The following TMCC1 variants were observed in gnomAD, a reference collection of about 807,000 sequenced individuals.
TMCC1 encodes the protein transmembrane and coiled-coil domain family 1.
In TMCC1, 15 loss-of-function variants were observed where a neutral mutation model predicts 52.4. The ratio of observed to expected loss-of-function variants is 0.29; its 90% CI spans 0.19 to 0.44. The LOEUF is 0.44. Ranked by LOEUF, TMCC1 falls within the 20% of genes least tolerant of loss-of-function variation. TMCC1 has a pLI of 1.00. For missense variants in TMCC1, 503 were observed against 806.0 expected, an observed-to-expected ratio of 0.62 and a Z score of 4.55; for synonymous variants, 279 against 301.9, an observed-to-expected ratio of 0.92 and a Z score of 0.79.
At chr3:129,745,913 TAAA>T (rs772638388) in intron 4 of TMCC1, among the ~76,000 whole-genome samples, 1 of 136,118 alleles carries the variant, frequency 7.3e-6, no homozygotes. Context: ...AGACTCTCCC[TAAA>T]AAAAAAAAAG....
intron 4 of TMCC1, among the ~76,000 whole-genome samples, chr3:129,721,049 A>G (rs2049541900): frequency 6.6e-6 from 1 of 152,112 alleles, no homozygotes. Flanking sequence ...GATACACTGT[A>G]TTAAATCTCT....
In TMCC1 at chr3:129,833,914, C is replaced by T. The variant is rs537743276; in HGVS notation, c.-183-1088G>A. On this transcript the variant is annotated intron_variant, in intron 2 of 6. Transcript: ENST00000393238. ...TTACCAGAGAAGCAATTTAATTAGA[C>T]AAGTATTTTTGAGACATCTGCCATG... Among the ~76,000 whole-genome samples the T allele has an allele frequency of 1.3e-4, 20 of 152,222 alleles. 1 individual carries two copies. The highest frequency in any genetic ancestry group is 9.2e-4 in the Admixed American group (14 of 15,282).
intron 1 of TMCC1, among the ~76,000 whole-genome samples, chr3:129,890,811 T>G (rs1369727059): frequency 1.3e-5 from 2 of 152,212 alleles, no homozygotes; most frequent in South Asian, 2.1e-4. Flanking sequence ...TTTATGGAAT[T>G]TTCCAGAAGA....
intron 4 of TMCC1, among the ~76,000 whole-genome samples, chr3:129,803,150 C>G (rs533484678): frequency 1.3e-5 from 2 of 152,198 alleles, no homozygotes; most frequent in African/African-American, 2.4e-5. Flanking sequence ...AAGGTCCTAC[C>G]TCTCAACACA....
chr3:129,682,699 T>C (rs147944181), intron 4 of TMCC1, among the ~76,000 whole-genome samples: 28 of 152,328 alleles, frequency 1.8e-4, no homozygotes, highest in African/African-American at 6.5e-4. Context: ...CAAATCAAAA[T>C]CTGTCTCAAA....
At chr3:129,779,517 C>T (rs1161640249) in intron 4 of TMCC1, among the ~76,000 whole-genome samples, 2 of 151,998 alleles carry the variant, frequency 1.3e-5, no homozygotes, top group African/African-American at 4.8e-5. Context: ...GGTAGTTAGT[C>T]CTTTGATATT....
intron 4 of TMCC1, among the ~76,000 whole-genome samples, chr3:129,771,797 A>AAAAAAGAAG (rs60824072): frequency 3.5e-5 from 3 of 86,834 alleles, no homozygotes; most frequent in African/African-American, 6.4e-5. Flanking sequence ...AAAAAAAAAA[A>AAAAAAGAAG]AAGAAGAAGA....
At chr3:129,815,684 T>A (rs188345133) in intron 4 of TMCC1, among the ~76,000 whole-genome samples, 23 of 152,280 alleles carry the variant, frequency 1.5e-4, no homozygotes, top group Non-Finnish European at 3.1e-4. Flanking sequence ...GACATTGGTC[T>A]GGACAAGGAT....
chr3:129,830,388 T>TA (rs986631825), intron 3 of TMCC1, among the ~76,000 whole-genome samples: 5 of 152,028 alleles, frequency 3.3e-5, no homozygotes, highest in Admixed American at 6.5e-5. Flanking sequence ...CTCTGATTTT[T>TA]AAAAAAAATA....
intron 4 of TMCC1, among the ~76,000 whole-genome samples, chr3:129,701,672 T>G (rs1200002662): frequency 6.6e-6 from 1 of 152,232 alleles, no homozygotes; most frequent in Admixed American, 6.5e-5. Context: ...ATACAGGCAC[T>G]GACCTTCAGA....
At chr3:129,687,676 C>T (rs567281331) in intron 4 of TMCC1, among the ~76,000 whole-genome samples, 1 of 152,308 alleles carries the variant, frequency 6.6e-6, no homozygotes, top group South Asian at 2.1e-4. Context: ...TTCACAACCA[C>T]TTGATATCAA....
At chr3:129,893,321 C>G (rs193093215) in intron 1 of TMCC1, 173 bp downstream of exon 1, 1 of 152,504 alleles carries the variant, frequency 6.6e-6, no homozygotes, top group East Asian at 1.9e-4. Context: ...GGGGCTTCAA[C>G]CTCGAACGGG....
At chr3:129,774,758 G>A (rs1044932487) in intron 4 of TMCC1, among the ~76,000 whole-genome samples, 5 of 152,190 alleles carry the variant, frequency 3.3e-5, no homozygotes, top group African/African-American at 1.2e-4. Flanking sequence ...GGGAACGAGT[G>A]TAAAACAGCT....
intron 4 of TMCC1, among the ~76,000 whole-genome samples, chr3:129,743,453 G>A (rs1182412558): frequency 2.6e-5 from 4 of 152,092 alleles, no homozygotes; most frequent in Non-Finnish European, 4.4e-5. Flanking sequence ...CCATGGTATC[G>A]CCTATGGTAA....
intron 4 of TMCC1, among the ~76,000 whole-genome samples, chr3:129,709,114 TTAAA>T (rs1162274884): frequency 2.0e-5 from 3 of 152,110 alleles, no homozygotes; most frequent in Non-Finnish European, 4.4e-5. Context: ...AATTTTAAGA[TTAAA>T]TAACTAAACT....
At chr3:129,815,894 T>C (rs547834286) in intron 4 of TMCC1, among the ~76,000 whole-genome samples, 78 of 151,916 alleles carry the variant, frequency 5.1e-4, no homozygotes, top group Non-Finnish European at 8.1e-4. Flanking sequence ...CTCAAAACAA[T>C]AGCAAAACAA....
intron 4 of TMCC1, chr3:129,794,328 G>A: frequency 2.2e-6 from 1 of 456,232 alleles, no homozygotes; most frequent in Non-Finnish European, 4.4e-6. Context: ...ACCCACCTTG[G>A]ATAGCTGCCT....
chr3:129,676,769 G>A (rs2088486364), intron 4 of TMCC1, among the ~76,000 whole-genome samples: 1 of 152,028 alleles, frequency 6.6e-6, no homozygotes, highest in African/African-American at 2.4e-5. Flanking sequence ...TCACCTACTT[G>A]TTCTCTTTCA....
At chr3:129,822,693 G>A (rs958058945) in intron 4 of TMCC1, among the ~76,000 whole-genome samples, 15 of 152,124 alleles carry the variant, frequency 9.9e-5, no homozygotes, top group Admixed American at 6.5e-4. Flanking sequence ...AAACAAGAGG[G>A]AACCCAGGGA....
Sources: allele counts gnomAD v4.1 joint callset (sites outside exome capture counted in the v4.1 genomes callset), GRCh38; gene constraint gnomAD v4.1.1; transcripts MANE v1.5; gene names NCBI Gene and HGNC (gene_info 2026-07-23, HGNC 2026-07-21).